The following MTAP variants were observed in gnomAD, a reference collection of about 807,000 sequenced individuals.
The protein encoded by MTAP is methylthioadenosine phosphorylase, also known as S-methyl-5'-thioadenosine phosphorylase.
Under a neutral mutation model 33.6 loss-of-function variants are expected in MTAP, and 33 were observed. The observed-to-expected ratio is 0.98, with a 90% CI of 0.74 to 1.31. The LOEUF (loss-of-function observed/expected upper bound fraction) is 1.31. MTAP is among the 40% of genes most tolerant of loss of function. The probability of loss-of-function intolerance (pLI) is 0.00; values close to 1 mark genes in which losing one functional copy is unlikely to be tolerated. For synonymous variants in MTAP, 148 were observed against 125.7 expected (o/e 1.18, Z -1.19); for missense variants, 367 against 360.0 (o/e 1.02, Z -0.16).
chr9:21,816,727 T>A lies in MTAP; in HGVS notation c.134T>A (p.Leu45Ter). 6.2e-7 allele frequency: 1 copy of A among 1,612,156 alleles called. No individual in the cohort carries two copies. The highest frequency in any genetic ancestry group is 1.1e-5 in the South Asian group (1 of 90,490). Residue 45 changes from leucine to a stop codon, truncating the protein, a stop_gained, in exon 3 of 8, where the codon TTA (leucine) becomes TAA (stop). Transcript: ENST00000644715. LOFTEE classifies it high-confidence loss of function. ...DTPFGKPSDA[L>*]ILGKIKNVDC... Reference sequence around the variant, plus strand: ...CATTGCATGCAGCCATCTGATGCCTTAATTTTGGGGAAGATAAAAAATGTT... The same window carrying A: ...CATTGCATGCAGCCATCTGATGCCTAAATTTTGGGGAAGATAAAAAATGTT...
At chr9:21,895,942 A>C (rs1489115739) in intron 1 of MTAP, among the ~76,000 whole-genome samples, 1 of 152,208 alleles carries the variant, frequency 6.6e-6, no homozygotes, top group African/African-American at 2.4e-5. Context: ...CTCCACCCCA[A>C]ATCAACAGAA....
chr9:21,810,833 G>C (rs1824327770), intron 1 of MTAP, among the ~76,000 whole-genome samples: 1 of 152,146 alleles, frequency 6.6e-6, no homozygotes, highest in Non-Finnish European at 1.5e-5. Context: ...CCTACAGAGG[G>C]GGTGTCTTGT....
At chr9:21,926,934 C>T (rs948264414) in intron 1 of MTAP, among the ~76,000 whole-genome samples, 3 of 152,156 alleles carry the variant, frequency 2.0e-5, no homozygotes, top group Non-Finnish European at 4.4e-5. Context: ...CACCTAAAAG[C>T]AACTTTGGGC....
chr9:21,901,266 G>A (rs1290787204), intron 1 of MTAP, among the ~76,000 whole-genome samples: 1 of 152,170 alleles, frequency 6.6e-6, no homozygotes, highest in Admixed American at 6.5e-5. Flanking sequence ...AAGGCTCAAT[G>A]TTACAAAAAT....
At chr9:21,909,350 T>A (rs563015052) in intron 1 of MTAP, among the ~76,000 whole-genome samples, 26 of 152,090 alleles carry the variant, frequency 1.7e-4, no homozygotes, top group Non-Finnish European at 3.7e-4. Context: ...TGTTAAGGAA[T>A]AAGAGAAATA....
chr9:21,820,182 A>G (rs960773037), intron 4 of MTAP, among the ~76,000 whole-genome samples: 19 of 152,258 alleles, frequency 1.2e-4, no homozygotes, highest in Admixed American at 3.3e-4. Context: ...TTTTGTTGCC[A>G]TTGCTTTTGG....
At chr9:21,849,017 T>C (rs1825446246) in intron 5 of MTAP, among the ~76,000 whole-genome samples, 1 of 152,216 alleles carries the variant, frequency 6.6e-6, no homozygotes, top group Admixed American at 6.5e-5. Context: ...ATAGGAGGCC[T>C]ACTGCATTCC....
intron 1 of MTAP, among the ~76,000 whole-genome samples, chr9:21,878,793 T>A (rs992304341): frequency 6.6e-6 from 1 of 152,248 alleles, no homozygotes; most frequent in East Asian, 1.9e-4. Context: ...TCTTGATTTC[T>A]GCCTTAATTT....
chr9:21,910,964 A>T (rs1256653686), intron 1 of MTAP, among the ~76,000 whole-genome samples: 1 of 152,214 alleles, frequency 6.6e-6, no homozygotes, highest in Non-Finnish European at 1.5e-5. Context: ...AAACAAAAAA[A>T]GGCAGGGGTT....
intron 4 of MTAP, among the ~76,000 whole-genome samples, chr9:21,827,686 C>G (rs1824857771): frequency 6.6e-6 from 1 of 152,192 alleles, no homozygotes; most frequent in South Asian, 2.1e-4. Flanking sequence ...ATCACCAACA[C>G]CCACAACAGT....
intron 4 of MTAP, among the ~76,000 whole-genome samples, chr9:21,830,441 G>A (rs568608415): frequency 3.9e-5 from 6 of 152,276 alleles, no homozygotes; most frequent in Admixed American, 3.9e-4. Context: ...ACTTGTACAA[G>A]GTCCCCATTG....
In MTAP at chr9:21,811,524, C is replaced by T. The variant is rs192013227; in HGVS notation, c.34-3909C>T. The T allele has an allele frequency of 7.2e-4, 205 of 284,810 alleles. 2 individuals carry two copies. The highest frequency in any genetic ancestry group is 6.3e-3 in the South Asian group (190 of 30,240). The allele number at this position is 284,810 out of a possible 1,614,324, so 17.6% of individuals were successfully genotyped here. ...TGTGATGTCAAGACACAACAGCAAG[C>T]GCACATACACTAAGACATGGCTGTC... is the stretch of plus-strand genomic sequence containing the variant. On this transcript the variant is annotated intron_variant, in intron 1 of 7. Transcript: ENST00000644715.
At chr9:21,900,213 C>T (rs1818367709) in intron 1 of MTAP, among the ~76,000 whole-genome samples, 1 of 151,982 alleles carries the variant, frequency 6.6e-6, no homozygotes, top group Non-Finnish European at 1.5e-5. Flanking sequence ...TTCTGCACAG[C>T]AAAAGAAACT....
downstream of MTAP, among the ~76,000 whole-genome samples, chr9:21,867,437 A>G (rs1415967688): frequency 6.6e-6 from 1 of 152,096 alleles, no homozygotes; most frequent in Non-Finnish European, 1.5e-5. Context: ...GAGAATCTTG[A>G]CTTTTCTCTT....
At chr9:21,935,884 G>A (rs1210537023), downstream of MTAP, 2 of 152,158 alleles carry the variant, frequency 1.3e-5, no homozygotes, top group Non-Finnish European at 1.5e-5. Context: ...GCTTACAAAG[G>A]AGCTATGGCA....
chr9:21,813,558 A>C (rs888332326), intron 1 of MTAP, among the ~76,000 whole-genome samples: 1 of 152,210 alleles, frequency 6.6e-6, no homozygotes, highest in African/African-American at 2.4e-5. Flanking sequence ...ACCTAAACTC[A>C]GAGGGTGGCT....
intron 1 of MTAP, among the ~76,000 whole-genome samples, chr9:21,897,813 A>C (rs1382090210): frequency 1.3e-5 from 2 of 152,192 alleles, no homozygotes; most frequent in Non-Finnish European, 2.9e-5. Flanking sequence ...TGCCCACAGT[A>C]ATTTATAGAT....
intron 4 of MTAP, among the ~76,000 whole-genome samples, chr9:21,830,131 T>C (rs1467276961): frequency 6.6e-6 from 1 of 152,196 alleles, no homozygotes; most frequent in Admixed American, 6.5e-5. Flanking sequence ...AAAATAATCA[T>C]CTTTCATTTG....
intron 1 of MTAP, among the ~76,000 whole-genome samples, chr9:21,919,079 TA>T (rs1006312139): frequency 6.6e-6 from 1 of 152,164 alleles, no homozygotes; most frequent in African/African-American, 2.4e-5. Flanking sequence ...TTTAGCAATA[TA>T]AATATTATTG....
Sources: gnomAD v4.1 joint callset for allele counts (sites outside exome capture counted in the v4.1 genomes callset) on GRCh38, gnomAD v4.1.1 for gene constraint, MANE v1.5 for transcripts, NCBI Gene and HGNC (gene_info 2026-07-23, HGNC 2026-07-21) for gene names.